FARP2: variants seen among roughly 807,000 people sequenced by gnomAD.
FARP2 encodes the protein FERM, ARH/RhoGEF and pleckstrin domain protein 2.
FARP2 carries 111 observed loss-of-function variants against 130.5 expected under a neutral mutation model. The observed-to-expected ratio is 0.85, with a 90% CI of 0.73 to 1.00. The LOEUF is 1.00. FARP2 is among the 50% of genes least tolerant of loss of function. The pLI is 0.00. For synonymous variants in FARP2, 504 were observed against 516.9 expected, an observed-to-expected ratio of 0.98 and a Z score of 0.34; for missense variants, 1,385 against 1,346.3, an observed-to-expected ratio of 1.03 and a Z score of -0.45.
intron 23 of FARP2, 108 bp downstream of exon 23, chr2:241,491,287 C>A: frequency 1.1e-6 from 1 of 910,558 alleles, no homozygotes; most frequent in East Asian, 2.4e-5. Context: ...CCCACACAAT[C>A]CCCTTCCACA....
intron 1 of FARP2, among the ~76,000 whole-genome samples, chr2:241,362,070 T>G (rs1455263492): frequency 2.0e-5 from 3 of 151,838 alleles, no homozygotes; most frequent in Non-Finnish European, 4.4e-5. Context: ...AATTTTTTTG[T>G]ATTTTTAGTA....
At chr2:241,397,329 TATA>T (rs981690025) in intron 2 of FARP2, among the ~76,000 whole-genome samples, 9 of 152,098 alleles carry the variant, frequency 5.9e-5, no homozygotes, top group South Asian at 2.1e-4. Context: ...AAACTTAAAG[TATA>T]ATAATAATAA....
intron 2 of FARP2, among the ~76,000 whole-genome samples, chr2:241,386,129 G>A (rs760461401): frequency 1.3e-5 from 2 of 152,114 alleles, no homozygotes; most frequent in Non-Finnish European, 2.9e-5. Context: ...GTCTTGCTCT[G>A]TAACCCAGGC....
intron 20 of FARP2, 84 bp downstream of exon 20, chr2:241,483,617 G>A: frequency 7.0e-7 from 1 of 1,432,964 alleles, no homozygotes. Flanking sequence ...TGCAGCGGCA[G>A]CCCATTGGCC....
At position 241,494,334 on chromosome 2, in the gene FARP2, GC is replaced by G; in HGVS notation, c.*212del. On this transcript the variant is annotated 3_prime_UTR_variant, in exon 27 of 27. Transcript: ENST00000264042. The surrounding 1 kb of genome is among the most constrained non-coding windows in gnomAD (Gnocchi z 4.9). Reference sequence around the variant, plus strand: ...TAGTGCATGCCAGCAGCTATCTGGGGCCCTGGGAAAAATGTGCGAGTCTTGA... The same window carrying G: ...TAGTGCATGCCAGCAGCTATCTGGGGCCTGGGAAAAATGTGCGAGTCTTGA... 1 of 385,452 alleles carries G rather than the reference GC, an allele frequency of 2.6e-6. No homozygotes were observed. The highest frequency in any genetic ancestry group is 3.8e-5 in the East Asian group (1 of 26,048). 23.9% of individuals were successfully genotyped at this position (385,452 alleles called of 1,614,324 possible). A position where few individuals can be genotyped will look rare whatever the true frequency, so the allele number is the denominator to read the frequency against.
chr2:241,453,351 G>C (rs564272244), intron 13 of FARP2, among the ~76,000 whole-genome samples: 1 of 151,168 alleles, frequency 6.6e-6, no homozygotes, highest in Non-Finnish European at 1.5e-5. Flanking sequence ...GGCTGGGCGC[G>C]GTGGCTCATG....
chr2:241,403,193 A>C (rs1484074603), intron 2 of FARP2, among the ~76,000 whole-genome samples: 1 of 151,622 alleles, frequency 6.6e-6, no homozygotes, highest in Non-Finnish European at 1.5e-5. Context: ...GACTCTTAAG[A>C]CTTTAGCTTT....
Position 241,425,863 on chromosome 2 carries a change from G to GTT in FARP2, c.772-5804_772-5803dup, listed in dbSNP as rs201687563. Among the ~76,000 whole-genome samples, 181 of 126,502 alleles carry GTT rather than the reference G, an allele frequency of 1.4e-3. 2 individuals are homozygous for GTT. The highest frequency in any genetic ancestry group is 3.2e-3 in the South Asian group (13 of 4,000). 83.0% of individuals were successfully genotyped at this position (126,502 alleles called of 152,430 possible). A position where few individuals can be genotyped will look rare whatever the true frequency, so the allele number is the denominator to read the frequency against. On this transcript the variant is annotated intron_variant, in intron 8 of 26. Coordinates refer to ENST00000264042, the MANE Select transcript of FARP2 (RefSeq NM_014808.4). ...AAATTATTTCCAAACTAATTCTTTT[G>GTT]TTTTTTTTTTTTTGAGACTACAGTT...
At chr2:241,368,252 C>T (rs1374012475) in intron 1 of FARP2, among the ~76,000 whole-genome samples, 1 of 152,138 alleles carries the variant, frequency 6.6e-6, no homozygotes, top group African/African-American at 2.4e-5. Flanking sequence ...CAAAGCATTT[C>T]ATTCACGTTG....
At chr2:241,461,237 C>G (rs1413153469) in intron 14 of FARP2, among the ~76,000 whole-genome samples, 1 of 152,156 alleles carries the variant, frequency 6.6e-6, no homozygotes, top group Non-Finnish European at 1.5e-5. Context: ...ACCTCCACAC[C>G]GGACCTTCAG....
In FARP2 at chr2:241,398,838, G is replaced by A. The variant is rs141059008; in HGVS notation, c.184-4990G>A. Among the ~76,000 whole-genome samples the A allele has an allele frequency of 7.3e-3, 1,114 of 152,248 alleles. 10 individuals carry two copies. The highest frequency in any genetic ancestry group is 0.025 in the African/African-American group (1,042 of 41,516). ...CCTGCCTCGGCTTCCCAAAGTGCTA[G>A]GATTACAGGCGTGAGCCACCGCATC... On this transcript the variant is annotated intron_variant, in intron 2 of 26. Coordinates refer to ENST00000264042, the MANE Select transcript of FARP2 (RefSeq NM_014808.4).
intron 13 of FARP2, chr2:241,446,910 G>T (rs1439763708): frequency 6.6e-6 from 1 of 152,102 alleles, no homozygotes; most frequent in African/African-American, 2.4e-5. Flanking sequence ...TCAAGGAAGC[G>T]CCATCTTTAG....
chr2:241,448,193 C>CA (rs1206502214), intron 13 of FARP2, among the ~76,000 whole-genome samples: 2 of 152,156 alleles, frequency 1.3e-5, no homozygotes, highest in African/African-American at 4.8e-5. Flanking sequence ...CTTACCCCCC[C>CA]TACATCATGC....
rs140247373 is a variant in FARP2 at position 241,393,315 on chromosome 2, C to G, written c.184-10513C>G. ...GATGAAAGACGTGAGCCACTGCACC[C>G]GGCCTCCTTATGGTTCTTAGTGCAA... is the stretch of plus-strand genomic sequence containing the variant. On this transcript the variant is annotated intron_variant, in intron 2 of 26. Coordinates refer to ENST00000264042, the MANE Select transcript of FARP2 (RefSeq NM_014808.4). 4.6e-5 allele frequency among the ~76,000 whole-genome samples: 7 copies of G among 152,084 alleles called. 1 individual carries two copies. The highest frequency in any genetic ancestry group is 1.0e-4 in the Non-Finnish European group (7 of 68,012).
At chr2:241,384,640 A>G (rs1294733397) in intron 2 of FARP2, among the ~76,000 whole-genome samples, 20 of 152,192 alleles carry the variant, frequency 1.3e-4, no homozygotes. Context: ...TACACTTTTT[A>G]GATTTGTTTG....
Position 241,491,469 on chromosome 2 carries a change from A to C in FARP2, c.2624-47A>C, listed in dbSNP as rs376519040. On this transcript the variant is annotated intron_variant, in intron 23 of 26. Coordinates refer to ENST00000264042, the MANE Select transcript of FARP2 (RefSeq NM_014808.4). The stretch of plus-strand genomic sequence containing the variant: ...CAAGGGGTGGAAGTATTTGGCAAGC[A>C]GAGGCCACAGGGGGTTCCCCCTGAG... 5 of 1,605,892 alleles carry C rather than the reference A, an allele frequency of 3.1e-6. No individual in the cohort carries two copies. The African/African-American group carries it at 4.0e-5, about 13-fold the overall frequency.
chr2:241,438,010 T>C (rs1348078536), intron 12 of FARP2, among the ~76,000 whole-genome samples: 1 of 152,182 alleles, frequency 6.6e-6, no homozygotes, highest in Non-Finnish European at 1.5e-5. Flanking sequence ...GGTTTCACCA[T>C]GTTGGCCAGG....
chr2:241,440,792 T>C (rs1046462013), intron 12 of FARP2, among the ~76,000 whole-genome samples: 1 of 152,168 alleles, frequency 6.6e-6, no homozygotes, highest in Non-Finnish European at 1.5e-5. Context: ...TCAACAAAAC[T>C]ATGAATCTCC....
chr2:241,455,483 C>T (rs868559735), intron 13 of FARP2, among the ~76,000 whole-genome samples: 4 of 152,156 alleles, frequency 2.6e-5, no homozygotes, highest in African/African-American at 7.2e-5. Context: ...TAGGTTCAAG[C>T]GATTCTCCTG....
Sources: gnomAD v4.1 joint callset for allele counts (sites outside exome capture counted in the v4.1 genomes callset) on GRCh38, gnomAD v4.1.1 for gene constraint, Gnocchi (gnomAD v3.1) non-coding constraint, MANE v1.5 for transcripts, NCBI Gene and HGNC (gene_info 2026-07-23, HGNC 2026-07-21) for gene names.